The following SASH1 variants were observed in gnomAD, a reference collection of about 807,000 sequenced individuals.
SASH1 encodes the protein SAM and SH3 domain containing 1.
A neutral mutation model predicts 125.2 loss-of-function variants in SASH1; 44 were observed. The observed-to-expected ratio is 0.35, with a 90% CI of 0.28 to 0.45. SASH1 has a LOEUF of 0.45. Ranked by LOEUF, SASH1 falls within the 20% of genes least tolerant of loss-of-function variation. The pLI is 1.00. For synonymous variants in SASH1, 639 were observed against 649.1 expected (o/e 0.98, Z 0.24); for missense variants, 1,426 against 1,614.5 (o/e 0.88, Z 2.00).
Position 148,329,144 on chromosome 6 carries a change from G to A in SASH1, n.74+56767G>A, listed in dbSNP as rs77685052. On this transcript the variant is annotated intron_variant and non_coding_transcript_variant, in intron 1 of 3. Coordinates refer to the SASH1 transcript ENST00000367469. ...CTAGAACAAGGCTTCTTTGTTAAGT[G>A]TCTCTTTGCTATTGGAATCAACATC... Among the ~76,000 whole-genome samples, 881 of 152,272 alleles carry A rather than the reference G, an allele frequency of 5.8e-3. 6 individuals are homozygous for A. Among genetic ancestry groups the A allele is most frequent in the African/African-American group, 0.02 (816 of 41,550 alleles).
chr6:148,466,516 A>G (rs1347992036), intron 4 of SASH1, among the ~76,000 whole-genome samples: 2 of 152,156 alleles, frequency 1.3e-5, no homozygotes, highest in Admixed American at 6.6e-5. Flanking sequence ...AGGTCCTTTT[A>G]TCCAAAAGGT....
intron 10 of SASH1, among the ~76,000 whole-genome samples, chr6:148,520,571 C>T (rs2115354829): frequency 6.6e-6 from 1 of 152,224 alleles, no homozygotes; most frequent in South Asian, 2.1e-4. Context: ...CCTTCTCTTC[C>T]ATTTCTCCTC....
the SASH1 span, among the ~76,000 whole-genome samples, chr6:148,196,391 C>T: frequency 6.6e-6 from 1 of 152,238 alleles, no homozygotes; most frequent in Non-Finnish European, 1.5e-5. Flanking sequence ...CAACCTAGCA[C>T]AGCTTCAACA....
At chr6:148,396,678 A>G (rs552652885) in intron 2 of SASH1, among the ~76,000 whole-genome samples, 2 of 152,136 alleles carry the variant, frequency 1.3e-5, no homozygotes, top group East Asian at 3.9e-4. Context: ...CCCCTCTCCA[A>G]GCTGGAGGAA....
chr6:148,434,490 A>G (rs1466487410), intron 2 of SASH1, among the ~76,000 whole-genome samples: 1 of 152,170 alleles, frequency 6.6e-6, no homozygotes, highest in Non-Finnish European at 1.5e-5. Context: ...CTCTATGTGC[A>G]CACATTCATA....
chr6:148,526,417 A>G (rs1781164490), intron 11 of SASH1, among the ~76,000 whole-genome samples: 1 of 152,198 alleles, frequency 6.6e-6, no homozygotes, highest in Non-Finnish European at 1.5e-5. Context: ...ATAAAACTGT[A>G]AAATGAAGAT....
chr6:148,492,090 G>A (rs768395640), intron 8 of SASH1, among the ~76,000 whole-genome samples: 2 of 152,188 alleles, frequency 1.3e-5, no homozygotes, highest in Non-Finnish European at 2.9e-5. Flanking sequence ...ACTGTATACT[G>A]CCCTGATTAA....
In SASH1 at chr6:148,519,429, A is replaced by G; in HGVS notation, c.863-118A>G. The G allele has an allele frequency of 1.4e-6, 1 of 691,894 alleles. No homozygotes were observed. Among genetic ancestry groups the G allele is most frequent in the South Asian group, 1.9e-5 (1 of 52,438 alleles). The allele number at this position is 691,894 out of a possible 1,614,324, so 42.9% of individuals were successfully genotyped here. A position where few individuals can be genotyped will look rare whatever the true frequency, so the allele number is the denominator to read the frequency against. Reference sequence around the variant, plus strand: ...ATTTTCATTTTTCTGTACATATGTAAGTGGGAGCTGGGTTTATAAAGAGGG... The same window carrying G: ...ATTTTCATTTTTCTGTACATATGTAGGTGGGAGCTGGGTTTATAAAGAGGG... On this transcript the variant is annotated intron_variant, in intron 9 of 19. Transcript: ENST00000367467. The surrounding 1 kb of genome is among the most constrained non-coding windows in gnomAD (Gnocchi z 4.8).
At chr6:148,277,588 G>A (rs561955928) in intron 1 of SASH1, among the ~76,000 whole-genome samples, 8 of 152,300 alleles carry the variant, frequency 5.3e-5, no homozygotes, top group Non-Finnish European at 8.8e-5. Context: ...AATTCTTTCC[G>A]AAAGTTTGCA....
the SASH1 span, among the ~76,000 whole-genome samples, chr6:148,233,030 AC>A: frequency 6.6e-6 from 1 of 152,114 alleles, no homozygotes; most frequent in Non-Finnish European, 1.5e-5. Flanking sequence ...AGCCTGGCCA[AC>A]ATGGAGAAAC....
chr6:148,407,524 C>G (rs990329989), intron 2 of SASH1, among the ~76,000 whole-genome samples: 1 of 152,332 alleles, frequency 6.6e-6, no homozygotes, highest in South Asian at 2.1e-4. Flanking sequence ...GTGAGTAATG[C>G]TGCTATGAAC....
At chr6:148,290,068 A>G (rs373157667) in intron 1 of SASH1, among the ~76,000 whole-genome samples, 1 of 150,940 alleles carries the variant, frequency 6.6e-6, no homozygotes, top group Non-Finnish European at 1.5e-5. Context: ...GGGTTTCACT[A>G]TGTTGGCCAG....
chr6:148,338,940 G>T (rs1781242204), upstream of SASH1, among the ~76,000 whole-genome samples: 1 of 144,070 alleles, frequency 6.9e-6, no homozygotes, highest in South Asian at 2.3e-4. Context: ...AGGAGGGGGA[G>T]ATTGCAGTGA....
the SASH1 span, among the ~76,000 whole-genome samples, chr6:148,252,120 T>G: frequency 3.3e-5 from 5 of 152,178 alleles, no homozygotes; most frequent in East Asian, 9.7e-4. Flanking sequence ...ACGTATGACT[T>G]TGCTTGATTA....
chr6:148,224,663 C>T, the SASH1 span, among the ~76,000 whole-genome samples: 1 of 152,034 alleles, frequency 6.6e-6, no homozygotes, highest in Admixed American at 6.6e-5. Flanking sequence ...ACCCGGCCTC[C>T]ATTATTTTTA....
At chr6:148,546,344 C>T (rs745996420) in intron 19 of SASH1, among the ~76,000 whole-genome samples, 198 bp downstream of exon 19, 12 of 152,154 alleles carry the variant, frequency 7.9e-5, no homozygotes, top group Non-Finnish European at 1.3e-4. Context: ...GAAAATTATC[C>T]GTAATCCCAA....
chr6:148,205,044 G>A, the SASH1 span, among the ~76,000 whole-genome samples: 1 of 152,088 alleles, frequency 6.6e-6, no homozygotes, highest in African/African-American at 2.4e-5. Flanking sequence ...CTCACAATGG[G>A]TATCGCTAAT....
At chr6:148,391,198 C>T (rs1583073090) in intron 2 of SASH1, among the ~76,000 whole-genome samples, 1 of 151,798 alleles carries the variant, frequency 6.6e-6, no homozygotes, top group South Asian at 2.1e-4. Context: ...CAACTTCCAC[C>T]TCCCAGGTTC....
intron 1 of SASH1, among the ~76,000 whole-genome samples, chr6:148,337,377 C>T (rs1214987860): frequency 6.6e-6 from 1 of 152,138 alleles, no homozygotes; most frequent in East Asian, 1.9e-4. Context: ...GCGCCCGCCA[C>T]CACGCCTGGC....
Sources: gnomAD v4.1 joint callset for allele counts (sites outside exome capture counted in the v4.1 genomes callset) on GRCh38, gnomAD v4.1.1 for gene constraint, Gnocchi (gnomAD v3.1) non-coding constraint, MANE v1.5 for transcripts, NCBI Gene and HGNC (gene_info 2026-07-23, HGNC 2026-07-21) for gene names.